The following FRMD1 variants were observed in gnomAD, a reference collection of about 807,000 sequenced individuals.
FRMD1 encodes FERM domain containing 1.
In FRMD1, 51 loss-of-function variants were observed where a neutral mutation model predicts 54.9. That is an observed-to-expected ratio of 0.93 (90% CI 0.74 to 1.17). The LOEUF (loss-of-function observed/expected upper bound fraction) is 1.17. Ranked by LOEUF, FRMD1 falls within the 50% of genes most tolerant of loss-of-function variation. FRMD1 has a pLI of 0.00. For missense variants in FRMD1, 729 were observed against 743.0 expected (o/e 0.98, Z 0.22); for synonymous variants, 324 against 306.4 (o/e 1.06, Z -0.60).
intron 2 of FRMD1, among the ~76,000 whole-genome samples, chr6:168,069,016 A>G (rs1026945688): frequency 9.2e-5 from 14 of 152,210 alleles, no homozygotes; most frequent in Non-Finnish European, 1.9e-4. Flanking sequence ...TGTGTCAGGG[A>G]GGATCAAACA....
chr6:168,087,415 T>C (rs932264507), intron 1 of FRMD1, among the ~76,000 whole-genome samples: 3 of 152,218 alleles, frequency 2.0e-5, no homozygotes, highest in Admixed American at 6.5e-5. Flanking sequence ...TGCAAATGAT[T>C]CCTCCTACAG....
intron 1 of FRMD1, among the ~76,000 whole-genome samples, chr6:168,092,784 A>G (rs1801035535): frequency 6.6e-6 from 1 of 152,226 alleles, no homozygotes; most frequent in Non-Finnish European, 1.5e-5. Context: ...GTCCCAATCC[A>G]GTCACCACCA....
Position 168,059,248 on chromosome 6 carries a change from C to A in FRMD1, c.1343-60G>T. On this transcript the variant is annotated intron_variant, in intron 9 of 10. Transcript: ENST00000283309. This position sits in a 1 kb window ranked among gnomAD's most constrained non-coding sequence, Gnocchi z 4.4. ...GGGTTCTGCCCGACATGGCTCCTCC[C>A]CAGGGCAGTTCCCTGCACTTCTGGG... 1 of 1,437,388 alleles carries A rather than the reference C, an allele frequency of 7.0e-7. No homozygotes were observed. The highest frequency in any genetic ancestry group is 2.5e-5 in the East Asian group (1 of 40,542). 89.0% of individuals were successfully genotyped at this position (1,437,388 alleles called of 1,614,324 possible).
At chr6:168,083,241 T>G (rs1262421878), upstream of FRMD1, among the ~76,000 whole-genome samples, 1 of 152,182 alleles carries the variant, frequency 6.6e-6, no homozygotes, top group Non-Finnish European at 1.5e-5. Context: ...CTTCTTGGTC[T>G]TCCAAACTGA....
At chr6:168,067,219 G>A (rs1030032173) in intron 3 of FRMD1, 148 bp downstream of exon 3, 79 of 578,148 alleles carry the variant, frequency 1.4e-4, no homozygotes, top group African/African-American at 5.6e-4. Flanking sequence ...ACTGTCCACC[G>A]TGGTGCCCTG....
chr6:168,087,837 C>T (rs1388188133), intron 1 of FRMD1, among the ~76,000 whole-genome samples: 1 of 152,172 alleles, frequency 6.6e-6, no homozygotes, highest in Non-Finnish European at 1.5e-5. Context: ...GACCTCACCA[C>T]CCGTCTGGGC....
At chr6:168,089,460 C>T (rs1032730695) in intron 1 of FRMD1, among the ~76,000 whole-genome samples, 5 of 152,222 alleles carry the variant, frequency 3.3e-5, no homozygotes, top group African/African-American at 7.2e-5. Context: ...GGGGTCTGGT[C>T]GGCTGTCCTC....
chr6:168,071,767 G>C (rs1429976289), intron 2 of FRMD1, among the ~76,000 whole-genome samples: 2 of 152,238 alleles, frequency 1.3e-5, no homozygotes, highest in African/African-American at 4.8e-5. Flanking sequence ...TGGCTGATGA[G>C]CCAGTAATCT....
intron 1 of FRMD1, among the ~76,000 whole-genome samples, chr6:168,077,917 GAC>G (rs1281847057): frequency 6.6e-6 from 1 of 152,186 alleles, no homozygotes; most frequent in South Asian, 2.1e-4. Context: ...GCTGGGTGGG[GAC>G]ACAGAGTCTT....
intron 1 of FRMD1, among the ~76,000 whole-genome samples, chr6:168,089,838 C>T (rs183298076): frequency 2.6e-5 from 4 of 152,320 alleles, no homozygotes; most frequent in East Asian, 3.9e-4. Context: ...AGGGAAAGCA[C>T]GTGAGCCCCG....
At chr6:168,074,476 A>ATGCATGTG (rs1800465961) in intron 2 of FRMD1, among the ~76,000 whole-genome samples, 1 of 148,816 alleles carries the variant, frequency 6.7e-6, no homozygotes, top group South Asian at 2.2e-4. Flanking sequence ...TGTGTGGTGC[A>ATGCATGTG]TGCATGTGTA....
intron 1 of FRMD1, among the ~76,000 whole-genome samples, chr6:168,078,064 G>C (rs977669933): frequency 1.3e-5 from 2 of 152,132 alleles, no homozygotes; most frequent in African/African-American, 4.8e-5. Context: ...CTCCATTCCA[G>C]GTAGCAATGA....
intron 4 of FRMD1, chr6:168,065,518 A>T: frequency 1.0e-6 from 1 of 988,656 alleles, no homozygotes; most frequent in Non-Finnish European, 1.2e-6. Flanking sequence ...GGCCAGGTGG[A>T]GGCTCGCCCA....
intron 3 of FRMD1, 139 bp from the exon 4 acceptor site, chr6:168,066,970 C>T: frequency 9.4e-7 from 1 of 1,061,486 alleles, no homozygotes; most frequent in Non-Finnish European, 1.4e-6. Flanking sequence ...CCATAGCTGA[C>T]AATTCGACTC....
intron 8 of FRMD1, 151 bp downstream of exon 8, chr6:168,061,656 C>T (rs112424351): frequency 8.3e-6 from 7 of 848,374 alleles, no homozygotes; most frequent in African/African-American, 5.1e-5. Context: ...CACCACTTCG[C>T]CCTTCGACCT....
At chr6:168,067,296 C>A in intron 3 of FRMD1, 71 bp downstream of exon 3, 1 of 988,186 alleles carries the variant, frequency 1.0e-6, no homozygotes, top group Non-Finnish European at 1.6e-6. Context: ...CTCTCCCACC[C>A]CACGTGTCCC....
chr6:168,065,192 T>C (rs1008889527), intron 4 of FRMD1, 135 bp from the exon 5 acceptor site: 48 of 1,428,682 alleles, frequency 3.4e-5, no homozygotes, highest in Non-Finnish European at 4.2e-5. Context: ...TGTCTTGTTA[T>C]ACCCACAGCT....
chr6:168,067,402 A>T lies in FRMD1; in HGVS notation c.349T>A (p.Tyr117Asn). Residue 117 changes from tyrosine (Y) to asparagine (N), a missense_variant, in exon 3 of 11, where the codon TAC (tyrosine) becomes AAC (asparagine). Coordinates refer to ENST00000283309, the MANE Select transcript of FRMD1 (RefSeq NM_024919.6). ...TCTTTCTTCCAATCTTTTGAGAAGT[A>T]CTTGCTGAGCTTTTGCTCCAAATCC... ...FMDLEQKLSKYFSKDWKKERN... is the reference protein window; with the variant it reads ...FMDLEQKLSKNFSKDWKKERN... The T allele has an allele frequency of 6.2e-7, 1 of 1,608,020 alleles. No individual in the cohort carries two copies. Among genetic ancestry groups the T allele is most frequent in the South Asian group, 1.1e-5 (1 of 89,934 alleles).
rs1299327988 is a variant in FRMD1, at chr6:168,067,451, A to G, written c.305-5T>C. The G allele has an allele frequency of 5.0e-6, 8 of 1,586,956 alleles. No homozygotes were observed. The highest frequency in any genetic ancestry group is 6.9e-6 in the Non-Finnish European group (8 of 1,159,290). On this transcript the variant is annotated splice_region_variant and splice_polypyrimidine_tract_variant and intron_variant, in intron 2 of 10. Transcript: ENST00000283309. ...CCATAAATATATACTCATTGTCTGA[A>G]AGCAAAACAAAAGGCTTCATCAGAG...
Sources: gnomAD v4.1 joint callset for allele counts (sites outside exome capture counted in the v4.1 genomes callset) on GRCh38, gnomAD v4.1.1 for gene constraint, Gnocchi (gnomAD v3.1) non-coding constraint, MANE v1.5 for transcripts, NCBI Gene and HGNC (gene_info 2026-07-23, HGNC 2026-07-21) for gene names.